The following UBXN11 variants were observed in gnomAD, a reference collection of about 807,000 sequenced individuals.
UBXN11 encodes UBX domain-containing protein 11.
A neutral mutation model predicts 62.8 loss-of-function variants in UBXN11; 47 were observed. The ratio of observed to expected loss-of-function variants is 0.75; its 90% CI spans 0.59 to 0.95. The LOEUF is 0.95. Among genes scored for constraint, UBXN11 ranks in the 40% least tolerant of loss-of-function variants. UBXN11 has a pLI of 0.00. For missense variants in UBXN11, 638 were observed against 661.7 expected (o/e 0.96, Z 0.39); for synonymous variants, 294 against 267.0 (o/e 1.10, Z -0.99).
Position 26,294,178 on chromosome 1 carries a change from G to A in UBXN11, c.559+27C>T, listed in dbSNP as rs1312736219. 1.9e-6 allele frequency: 3 copies of A among 1,612,130 alleles called. No individual in the cohort carries two copies. The Admixed American group carries it at 5.0e-5, about 27-fold the overall frequency. ...ACTGTTGGAGAATTCCTTTTGAAGA[G>A]GGCCTGGGGCAGACGCCCTGCTCTA... On this transcript the variant is annotated intron_variant, in intron 8 of 14. Transcript: ENST00000374222.
intron 8 of UBXN11, among the ~76,000 whole-genome samples, chr1:26,286,378 C>G (rs902298446): frequency 6.6e-6 from 1 of 152,190 alleles, no homozygotes; most frequent in African/African-American, 2.4e-5. Context: ...AGGATCTGAT[C>G]CCAGATCTGT....
intron 7 of UBXN11, among the ~76,000 whole-genome samples, chr1:26,295,494 G>C (rs1005335701): frequency 6.6e-6 from 1 of 152,080 alleles, no homozygotes; most frequent in South Asian, 2.1e-4. Context: ...CCAGAACCAC[G>C]GGCGGCTCCA....
chr1:26,285,678 G>A (rs1431643195), intron 9 of UBXN11, 137 bp from the exon 10 acceptor site: 4 of 1,362,224 alleles, frequency 2.9e-6, no homozygotes, highest in Non-Finnish European at 3.9e-6. Flanking sequence ...CCCAGGCCTT[G>A]GGAGAGGGGC....
intron 1 of UBXN11, among the ~76,000 whole-genome samples, chr1:26,303,412 G>A (rs572737320): frequency 1.9e-4 from 29 of 152,124 alleles, no homozygotes; most frequent in African/African-American, 6.5e-4. Flanking sequence ...ATCGCCTGAG[G>A]TCAGTGGTTC....
rs765393507 is a variant in UBXN11, at chr1:26,282,527, C to T, written c.1335G>A (p.Pro445=). The change falls in exon 15 of 15, where the codon CCG becomes CCA. Residue 445 remains proline, a synonymous_variant. Transcript: ENST00000374222. ...GTGTATCGTCCTGGTAGAGGGTGGG[C>T]GGGAATGTGCTGAAGATCTCAAAGG... The part of the protein sequence containing the change: ...ASAFEIFSTF[P]PTLYQDDTLT... The T allele has an allele frequency of 1.4e-4, 230 of 1,595,620 alleles. No homozygotes were observed. Among genetic ancestry groups the T allele is most frequent in the Non-Finnish European group, 1.7e-4 (201 of 1,167,722 alleles).
At position 26,296,973 on chromosome 1, in the gene UBXN11, C is replaced by G; in HGVS notation, c.378G>C (p.Gln126His). 1.2e-6 allele frequency: 2 copies of G among 1,605,840 alleles called. No individual in the cohort carries two copies. The highest frequency in any genetic ancestry group is 2.2e-5 in the South Asian group (2 of 89,362). The stretch of plus-strand genomic sequence containing the variant: ...GCACACACATCGTCTCCAGTTCCTC[C>G]TGCCGCTGCAGGGTTGCCTCGGCTT... ...PHPAEATLQR[Q>H]EELETMCVQL... Residue 126 changes from glutamine (Q) to histidine (H), a missense_variant, in exon 7 of 15, where the codon CAG (glutamine) becomes CAC (histidine). By Grantham distance (24) the Gln-to-His change is conservative. Transcript: ENST00000374222.
intron 4 of UBXN11, among the ~76,000 whole-genome samples, chr1:26,299,475 T>G (rs2073474013): frequency 7.1e-6 from 1 of 141,066 alleles, no homozygotes; most frequent in African/African-American, 2.7e-5. Context: ...TTTGCACCGC[T>G]GCACTCCAGG....
intron 1 of UBXN11, among the ~76,000 whole-genome samples, chr1:26,313,714 T>G (rs954181953): frequency 6.6e-6 from 1 of 152,148 alleles, no homozygotes; most frequent in Admixed American, 6.5e-5. Context: ...TCCACTGAGT[T>G]CCTAATTTTT....
Position 26,296,908 on chromosome 1 carries a change from AG to A in UBXN11, c.432+10del, listed in dbSNP as rs759919893. On this transcript the variant is annotated intron_variant, in intron 7 of 14. Transcript: ENST00000374222. Reference sequence around the variant, plus strand: ...TGGCTGCCCGCATCCCCCGGGGCCCAGCTCTCTCACCTCCATCTCCCTGACC... The same window carrying A: ...TGGCTGCCCGCATCCCCCGGGGCCCACTCTCTCACCTCCATCTCCCTGACC... The A allele has an allele frequency of 5.9e-5, 94 of 1,600,052 alleles. 1 individual carries two copies. In the Admixed American group the frequency reaches 1.6e-3, roughly 27 times the overall value.
rs113054305 is a variant in UBXN11 at position 26,286,360 on chromosome 1, G to A, written c.560-323C>T. Reference sequence around the variant, plus strand: ...CTTGTGAGAAACACAGTAGTAAGCAGCAGAAGCAGGATCTGATCCCAGATC... The same window carrying A: ...CTTGTGAGAAACACAGTAGTAAGCAACAGAAGCAGGATCTGATCCCAGATC... On this transcript the variant is annotated intron_variant, in intron 8 of 14. Transcript: ENST00000374222. 1.9e-3 allele frequency among the ~76,000 whole-genome samples: 293 copies of A among 152,328 alleles called. 1 individual carries two copies. The highest frequency in any genetic ancestry group is 6.2e-3 in the South Asian group (30 of 4,832).
In UBXN11 at chr1:26,284,171, T is replaced by G. The variant is rs1465835319; in HGVS notation, c.1048A>C (p.Ile350Leu). The change falls in exon 12 of 15, where the codon ATC (isoleucine) becomes CTC (leucine). Residue 350 changes from isoleucine to leucine, a missense_variant. Coordinates refer to ENST00000374222, the MANE Select transcript of UBXN11 (RefSeq NM_001389556.1). ...FVIRQGEVID[I>L]RGPIRDTLQN... ...AAGGTGTCCCTGATGGGGCCCCGGA[T>G]GTCAATCACCTCGCCTTGCCGGATC... 5.6e-6 allele frequency: 9 copies of G among 1,612,816 alleles called. No homozygotes were observed. The highest frequency in any genetic ancestry group is 6.8e-6 in the Non-Finnish European group (8 of 1,179,310).
At chr1:26,299,201 C>T (rs2073467586) in intron 4 of UBXN11, among the ~76,000 whole-genome samples, 1 of 152,032 alleles carries the variant, frequency 6.6e-6, no homozygotes, top group African/African-American at 2.4e-5. Flanking sequence ...GAATCCAGGC[C>T]AGAGGAACAT....
At chr1:26,291,197 AGCC>A (rs1425191934) in intron 8 of UBXN11, among the ~76,000 whole-genome samples, 2 of 152,190 alleles carry the variant, frequency 1.3e-5, no homozygotes, top group Admixed American at 1.3e-4. Flanking sequence ...CAGAGCAATC[AGCC>A]GAGTGTCAGG....
rs199566432 is a variant in UBXN11 at position 26,298,104 on chromosome 1, G to A, written c.200-42C>T. The A allele has an allele frequency of 5.6e-4, 883 of 1,588,234 alleles. 1 individual carries two copies. Among genetic ancestry groups the A allele is most frequent in the South Asian group, 9.0e-4 (80 of 88,688 alleles). ...GTCTTTAGAGCCCAGACCTAGAGCC[G>A]AGGCTGAGTTGTGGGGGGGAGGGAG... On this transcript the variant is annotated intron_variant, in intron 4 of 14. Coordinates refer to ENST00000374222, the MANE Select transcript of UBXN11 (RefSeq NM_001389556.1).
intron 7 of UBXN11, among the ~76,000 whole-genome samples, chr1:26,294,888 C>T (rs970016530): frequency 6.6e-6 from 1 of 152,190 alleles, no homozygotes; most frequent in African/African-American, 2.4e-5. Context: ...CGCTGCCAAG[C>T]GCATGGGCAC....
intron 1 of UBXN11, among the ~76,000 whole-genome samples, chr1:26,313,604 C>T (rs1386622350): frequency 6.6e-6 from 1 of 152,116 alleles, no homozygotes; most frequent in African/African-American, 2.4e-5. Context: ...ACACAGCAGG[C>T]ACCCAATAAA....
intron 8 of UBXN11, among the ~76,000 whole-genome samples, chr1:26,291,926 T>A (rs537027892): frequency 7.2e-5 from 11 of 152,326 alleles, no homozygotes; most frequent in African/African-American, 2.6e-4. Context: ...CCAAGTGTAC[T>A]CAGCATCTTT....
intron 10 of UBXN11, chr1:26,284,769 G>A (rs1458980492): frequency 5.8e-6 from 7 of 1,203,444 alleles, no homozygotes; most frequent in Non-Finnish European, 7.3e-6. Flanking sequence ...AGAGTGTGAG[G>A]GGGTCAGGAG....
intron 4 of UBXN11, among the ~76,000 whole-genome samples, chr1:26,299,154 G>A (rs2073466446): frequency 6.6e-6 from 1 of 152,156 alleles, no homozygotes; most frequent in Non-Finnish European, 1.5e-5. Context: ...CACATGGAGT[G>A]CAGGTGAGCT....
Sources: gnomAD v4.1 joint callset for allele counts (sites outside exome capture counted in the v4.1 genomes callset) on GRCh38, gnomAD v4.1.1 for gene constraint, MANE v1.5 for transcripts, NCBI Gene and HGNC (gene_info 2026-07-23, HGNC 2026-07-21) for gene names.